The following ETS1 variants were observed in gnomAD, a reference collection of about 807,000 sequenced individuals.
ETS1 encodes the protein protein C-ets-1.
ETS1 carries 15 observed loss-of-function variants against 58.6 expected under a neutral mutation model. The ratio of observed to expected loss-of-function variants is 0.26; its 90% CI spans 0.17 to 0.39. ETS1 has a LOEUF of 0.39. Ranked by LOEUF, ETS1 falls within the 10% of genes least tolerant of loss-of-function variation. The pLI is 1.00. For synonymous variants in ETS1, 214 were observed against 218.2 expected (o/e 0.98, Z 0.17); for missense variants, 417 against 610.5 (o/e 0.68, Z 3.34).
intron 3 of ETS1, among the ~76,000 whole-genome samples, chr11:128,556,020 G>A (rs192999292): frequency 1.8e-4 from 28 of 152,326 alleles, no homozygotes; most frequent in Admixed American, 9.1e-4. Flanking sequence ...CAGCCAAAAC[G>A]GGTGTCAGGA....
At chr11:128,573,229 A>C in intron 1 of ETS1, 85 bp from the exon 2 acceptor site, 1 of 965,022 alleles carries the variant, frequency 1.0e-6, no homozygotes, top group Non-Finnish European at 1.6e-6. Context: ...GAACCTTAGA[A>C]CTAAAAGTCT....
chr11:128,496,103 T>C (rs1179760370), intron 3 of ETS1, among the ~76,000 whole-genome samples: 2 of 152,032 alleles, frequency 1.3e-5, no homozygotes, highest in East Asian at 1.9e-4. Flanking sequence ...AGGGAGATCA[T>C]AGAGTTAAAG....
chr11:128,468,316 AT>A (rs1187752183), intron 8 of ETS1, among the ~76,000 whole-genome samples: 2 of 152,212 alleles, frequency 1.3e-5, no homozygotes, highest in African/African-American at 2.4e-5. Flanking sequence ...GTTATTAAAA[AT>A]CCCCTGCTAT....
At position 128,556,393 on chromosome 11, in the gene ETS1, A is replaced by G. The variant is rs942858152; in HGVS notation, c.112T>C (p.Cys38Arg). The stretch of plus-strand genomic sequence containing the variant: ...TGGTGATAATTGGACTGGAAACCAC[A>G]GTTCATTCGAGGATCTTCATAAGTG... Reference protein sequence around the residue: ...SNTYEDPRMNCGFQSNYHQQR... With the variant: ...SNTYEDPRMNRGFQSNYHQQR... The change falls in exon 3 of 10, where the codon TGT becomes CGT. Residue 38 changes from cysteine to arginine, a missense_variant. Cys to Arg is a radical substitution (Grantham distance 180, BLOSUM62 -3). Around this residue, in one of 4 missense-constraint regions of ETS1, gnomAD observed 90 missense variants for 90.3 expected, o/e 1.00. Coordinates refer to ENST00000392668, the MANE Select transcript of ETS1 (RefSeq NM_001143820.2). The G allele has an allele frequency of 9.9e-6, 16 of 1,612,948 alleles. No individual in the cohort carries two copies. The highest frequency in any genetic ancestry group is 1.3e-5 in the Non-Finnish European group (15 of 1,179,328).
intron 3 of ETS1, among the ~76,000 whole-genome samples, chr11:128,548,701 G>A (rs1025663041): frequency 6.6e-6 from 1 of 152,232 alleles, no homozygotes; most frequent in African/African-American, 2.4e-5. Context: ...GGCAGCCCAC[G>A]CCCGTCCTCT....
Position 128,463,089 on chromosome 11 carries a change from T to C in ETS1, c.1242+420A>G, listed in dbSNP as rs1285200737. ...TGTTCATTGTTTTTTATCCTCAGAA[T>C]TGGGCATGGCACGGAACCACTACTC... On this transcript the variant is annotated intron_variant, in intron 9 of 9. Transcript: ENST00000392668. The surrounding 1 kb of genome is among the most constrained non-coding windows in gnomAD (Gnocchi z 4.1). Among the ~76,000 whole-genome samples the C allele has an allele frequency of 2.0e-5, 3 of 151,908 alleles. No homozygotes were observed. Among genetic ancestry groups the C allele is most frequent in the African/African-American group, 7.3e-5 (3 of 41,300 alleles).
intron 3 of ETS1, chr11:128,522,264 C>T (rs976421694): frequency 8.7e-7 from 1 of 1,151,006 alleles, no homozygotes; most frequent in South Asian, 3.0e-5. Context: ...CGGCCCTCGC[C>T]CGCTCCCTCC....
rs1862444997 is a variant in ETS1 at position 128,480,264 on chromosome 11, G to A, written c.1050C>T (p.Asp350=). The A allele has an allele frequency of 5.0e-6, 8 of 1,614,138 alleles. No homozygotes were observed. The highest frequency in any genetic ancestry group is 6.8e-6 in the Non-Finnish European group (8 of 1,180,036). The change falls in exon 8 of 10, where the codon GAC becomes GAT. Residue 350 remains aspartate, a synonymous_variant. Transcript: ENST00000392668. ...PNHKPKGTFK[D]YVRDRADLNK... ...TGAGGTCAGCACGGTCCCGCACATAGTCCTTGAAGGTGCCCTTGGGCTTGT... is the reference window on the plus strand; with the variant it reads ...TGAGGTCAGCACGGTCCCGCACATAATCCTTGAAGGTGCCCTTGGGCTTGT...
chr11:128,532,122 T>G (rs530420312), intron 3 of ETS1, among the ~76,000 whole-genome samples: 1 of 152,288 alleles, frequency 6.6e-6, no homozygotes, highest in Admixed American at 6.5e-5. Flanking sequence ...TCTATCTATC[T>G]CTAATTGTGC....
At chr11:128,555,213 T>A (rs1864293723) in intron 3 of ETS1, among the ~76,000 whole-genome samples, 1 of 152,210 alleles carries the variant, frequency 6.6e-6, no homozygotes, top group African/African-American at 2.4e-5. Context: ...ACACAGCCCA[T>A]GGAGTGCCAC....
chr11:128,573,085 A>G lies in ETS1; in HGVS notation c.46T>C (p.Ser16Pro). 6.2e-7 allele frequency: 1 copy of G among 1,604,446 alleles called. No individual in the cohort carries two copies. The highest frequency in any genetic ancestry group is 8.5e-7 in the Non-Finnish European group (1 of 1,175,566). Residue 16 changes from serine to proline, a missense_variant, in exon 2 of 10, where the codon TCA (serine) becomes CCA (proline). Coordinates refer to ENST00000392668, the MANE Select transcript of ETS1 (RefSeq NM_001143820.2). ...ACCACCACTGCAGGACGAGGCGCTG[A>G]GTAAGGGACGGGGCTGCTCCCAGCA... ...DSAGSSPVPY[S>P]APRPAVVRQG...
intron 3 of ETS1, among the ~76,000 whole-genome samples, chr11:128,513,772 G>A (rs1186572267): frequency 6.6e-6 from 1 of 152,138 alleles, no homozygotes; most frequent in African/African-American, 2.4e-5. Context: ...TCAGACTTGG[G>A]CAGGGGCAGT....
rs1565421455 is a variant in ETS1, at chr11:128,585,089, AGGAAAGAAAGAAAGGAAGGAAG to A, written c.-15+2377_-15+2398del. 2.7e-4 allele frequency among the ~76,000 whole-genome samples: 8 copies of A among 29,634 alleles called. 1 individual carries two copies. The highest frequency in any genetic ancestry group is 1.7e-3 in the African/African-American group (6 of 3,584). 19.4% of individuals were successfully genotyped at this position (29,634 alleles called of 152,430 possible). The stretch of plus-strand genomic sequence containing the variant: ...GAAAGAAAGAAAGAGAAAGAAAGAA[AGGAAAGAAAGAAAGGAAGGAAG>A]GAAGGAAAGAAAGAAGAAAGAAAGA... On this transcript the variant is annotated intron_variant, in intron 1 of 9. Coordinates refer to ENST00000392668, the MANE Select transcript of ETS1 (RefSeq NM_001143820.2).
At chr11:128,526,953 A>T (rs1188666442) in intron 3 of ETS1, 1 of 456,316 alleles carries the variant, frequency 2.2e-6, no homozygotes, top group Admixed American at 2.3e-5. Flanking sequence ...TAAAAAAGTC[A>T]GTGTCAGTAC....
intron 3 of ETS1, among the ~76,000 whole-genome samples, chr11:128,512,002 G>A (rs981230168): frequency 2.0e-5 from 3 of 152,192 alleles, no homozygotes; most frequent in Non-Finnish European, 4.4e-5. Context: ...CAAGTATTAA[G>A]ATGAACTAGC....
chr11:128,510,168 T>A (rs1352754621), intron 3 of ETS1, among the ~76,000 whole-genome samples: 1 of 152,214 alleles, frequency 6.6e-6, no homozygotes, highest in Non-Finnish European at 1.5e-5. Context: ...GGAGCTCATA[T>A]GTATTTAGCA....
intron 2 of ETS1, among the ~76,000 whole-genome samples, chr11:128,566,029 C>T (rs753893085): frequency 3.4e-4 from 51 of 152,222 alleles, no homozygotes; most frequent in Non-Finnish European, 5.9e-4. Context: ...CCCAATTAAA[C>T]TGCAATTACT....
chr11:128,562,749 G>A (rs1864424059), intron 2 of ETS1, among the ~76,000 whole-genome samples: 2 of 152,102 alleles, frequency 1.3e-5, no homozygotes, highest in Non-Finnish European at 2.9e-5. Flanking sequence ...ATTCCTGCAA[G>A]GAAGCACTCA....
At chr11:128,497,459 G>A (rs1862973726) in intron 3 of ETS1, 1 of 287,244 alleles carries the variant, frequency 3.5e-6, no homozygotes, top group Admixed American at 6.5e-5. Context: ...CTGAACATCT[G>A]TAGGAAGTGA....
Sources: gnomAD v4.1 joint callset for allele counts (sites outside exome capture counted in the v4.1 genomes callset) on GRCh38, gnomAD v4.1.1 for gene constraint, gnomAD v4.1.1 regional missense constraint, Gnocchi (gnomAD v3.1) non-coding constraint, MANE v1.5 for transcripts, NCBI Gene and HGNC (gene_info 2026-07-23, HGNC 2026-07-21) for gene names.